Variants in VMP1 observed in about 807,000 individuals in gnomAD.
The protein encoded by VMP1 is vacuole membrane protein 1.
VMP1 carries 11 observed loss-of-function variants against 56.0 expected under a neutral mutation model. The ratio of observed to expected loss-of-function variants is 0.20; its 90% confidence interval spans 0.12 to 0.32. The LOEUF (loss-of-function observed/expected upper bound fraction) is 0.32, where lower values mean the gene tolerates loss of function less well. Ranked by LOEUF, VMP1 falls within the 10% of genes least tolerant of loss-of-function variation. VMP1 has a pLI of 1.00. For missense variants in VMP1, 296 were observed against 490.3 expected (o/e 0.60, Z 3.74); for synonymous variants, 149 against 165.0 (o/e 0.90, Z 0.74).
rs1392551155 is a variant in VMP1 at position 59,813,134 on chromosome 17, G to A, written c.912+1348G>A. ...TTGGCATTTGGGTCAAGTTTATTGC[G>A]TCTGTCCTCTATTTTCCTGCCATAA... On this transcript the variant is annotated intron_variant, in intron 9 of 11. Transcript: ENST00000262291. Among the ~76,000 whole-genome samples the A allele has an allele frequency of 5.9e-5, 9 of 152,018 alleles. No homozygotes were observed. In the East Asian group the frequency reaches 7.7e-4, roughly 13 times the overall value.
chr17:59,794,625 C>A (rs1346051862), intron 7 of VMP1, among the ~76,000 whole-genome samples: 1 of 136,150 alleles, frequency 7.3e-6, no homozygotes, highest in Non-Finnish European at 1.5e-5. Flanking sequence ...ATGCTGGTAA[C>A]TGGGCTGGAA....
chr17:59,809,011 T>G lies in VMP1; in HGVS notation c.795+135T>G, dbSNP rs144482159. On this transcript the variant is annotated intron_variant, in intron 8 of 11. Transcript: ENST00000262291. The stretch of plus-strand genomic sequence containing the variant: ...TTTTGTGAATCATTCACCTTTTTTT[T>G]TTTTTAAGACGGAGTCTCCCTCTTG... The G allele has an allele frequency of 5.4e-6, 4 of 738,792 alleles. No individual in the cohort carries two copies. In the African/African-American group the frequency reaches 7.2e-5, roughly 13 times the overall value. 45.8% of individuals were successfully genotyped at this position (738,792 alleles called of 1,614,324 possible).
intron 5 of VMP1, among the ~76,000 whole-genome samples, chr17:59,760,153 T>A (rs891838503): frequency 6.6e-6 from 1 of 151,186 alleles, no homozygotes; most frequent in East Asian, 1.9e-4. Flanking sequence ...AAATTAGTGG[T>A]TGTCCTAAGG....
At chr17:59,802,245 A>G (rs2037696955) in intron 7 of VMP1, among the ~76,000 whole-genome samples, 1 of 151,994 alleles carries the variant, frequency 6.6e-6, no homozygotes, top group Admixed American at 6.6e-5. Context: ...ATGTTTAGAT[A>G]CACATATACT....
chr17:59,748,215 A>C (rs927042891), intron 5 of VMP1, among the ~76,000 whole-genome samples: 1 of 151,866 alleles, frequency 6.6e-6, no homozygotes, highest in African/African-American at 2.4e-5. Flanking sequence ...AAAAAAAAAA[A>C]AACCTTTCCT....
intron 10 of VMP1, among the ~76,000 whole-genome samples, chr17:59,835,958 TC>T (rs2038967986): frequency 6.7e-6 from 1 of 150,122 alleles, no homozygotes; most frequent in African/African-American, 2.4e-5. Flanking sequence ...CTATTTGCAT[TC>T]CCACCTGTAA....
chr17:59,791,392 T>C (rs2037221941), intron 7 of VMP1, among the ~76,000 whole-genome samples: 1 of 151,966 alleles, frequency 6.6e-6, no homozygotes, highest in Admixed American at 6.6e-5. Context: ...GGTTTTAGTA[T>C]GTTGGCCAGG....
rs2039119793 is a variant in VMP1 at position 59,840,346 on chromosome 17, G to A, written c.*435G>A. The A allele has an allele frequency of 6.1e-6, 1 of 165,272 alleles. No individual in the cohort carries two copies. The highest frequency in any genetic ancestry group is 6.4e-5 in the Admixed American group (1 of 15,504). The allele number at this position is 165,272 out of a possible 1,614,324, so 10.2% of individuals were successfully genotyped here. On this transcript the variant is annotated 3_prime_UTR_variant, in exon 12 of 12. Transcript: ENST00000262291. ...TATAAATTATCTAGATTGGATAACA[G>A]TCTTGCATGTTTATCATGTTACAAT...
At position 59,715,986 on chromosome 17, in the gene VMP1, T is replaced by G. The variant is rs563055457; in HGVS notation, c.-27+8238T>G. On this transcript the variant is annotated intron_variant, in intron 1 of 11. Coordinates refer to ENST00000262291, the MANE Select transcript of VMP1 (RefSeq NM_030938.5). ...CTAACTACCTAGAAAATTTTTTATTTTTTTTTTGTACTAAAGGTTGACATA... is the reference window on the plus strand; with the variant it reads ...CTAACTACCTAGAAAATTTTTTATTGTTTTTTTGTACTAAAGGTTGACATA... Among the ~76,000 whole-genome samples the G allele has an allele frequency of 2.0e-5, 3 of 152,278 alleles. No homozygotes were observed. In the South Asian group the frequency reaches 6.2e-4, roughly 32 times the overall value.
At chr17:59,789,146 C>T (rs1456793893) in intron 7 of VMP1, among the ~76,000 whole-genome samples, 1 of 151,076 alleles carries the variant, frequency 6.6e-6, no homozygotes, top group African/African-American at 2.4e-5. Context: ...AAAAATTAGC[C>T]TGGCGTGGTG....
chr17:59,795,149 A>G (rs553560716), intron 7 of VMP1, among the ~76,000 whole-genome samples: 24 of 151,834 alleles, frequency 1.6e-4, no homozygotes, highest in Non-Finnish European at 3.2e-4. Flanking sequence ...CTAATTTCGT[A>G]TTTTTAGTAG....
intron 10 of VMP1, among the ~76,000 whole-genome samples, chr17:59,836,079 G>A (rs956708747): frequency 4.0e-5 from 6 of 151,092 alleles, no homozygotes; most frequent in East Asian, 3.9e-4. Context: ...GAGTTTTCTC[G>A]ATTGTTCACA....
chr17:59,758,683 T>C (rs1165201851), intron 5 of VMP1, among the ~76,000 whole-genome samples: 1 of 150,924 alleles, frequency 6.6e-6, no homozygotes, highest in African/African-American at 2.4e-5. Context: ...AAAAATTATC[T>C]GGGCCAGGTG....
At chr17:59,743,416 T>A (rs1288523241) in intron 5 of VMP1, among the ~76,000 whole-genome samples, 1 of 152,142 alleles carries the variant, frequency 6.6e-6, no homozygotes, top group Non-Finnish European at 1.5e-5. Context: ...TTTTTCCTTG[T>A]CTTTTTCTGG....
chr17:59,767,592 T>C (rs906066771), intron 6 of VMP1, among the ~76,000 whole-genome samples: 5 of 152,192 alleles, frequency 3.3e-5, no homozygotes, highest in African/African-American at 1.2e-4. Context: ...TTATTTACAT[T>C]GCTGGATTAA....
intron 5 of VMP1, among the ~76,000 whole-genome samples, chr17:59,760,101 C>A (rs1337027167): frequency 2.1e-5 from 3 of 140,674 alleles, no homozygotes; most frequent in Non-Finnish European, 3.0e-5. Flanking sequence ...CCAGCCTGGG[C>A]AACAGGGTAG....
chr17:59,824,448 C>T (rs1343823599), intron 10 of VMP1, among the ~76,000 whole-genome samples: 3 of 150,294 alleles, frequency 2.0e-5, no homozygotes, highest in Non-Finnish European at 4.4e-5. Context: ...GGGTGGGCGT[C>T]TATAATCCCA....
At chr17:59,835,760 G>T (rs1053125917) in intron 10 of VMP1, among the ~76,000 whole-genome samples, 6 of 150,676 alleles carry the variant, frequency 4.0e-5, no homozygotes, top group Non-Finnish European at 8.9e-5. Context: ...AAAGTGCTGG[G>T]ATTACAGGCA....
At chr17:59,759,018 T>C (rs2035947420) in intron 5 of VMP1, among the ~76,000 whole-genome samples, 2 of 152,050 alleles carry the variant, frequency 1.3e-5, no homozygotes, top group Admixed American at 1.3e-4. Context: ...CTCTAGAGGT[T>C]GAGGCTGCAG....
Sources: gnomAD v4.1 joint callset for allele counts (sites outside exome capture counted in the v4.1 genomes callset) on GRCh38, gnomAD v4.1.1 for gene constraint, MANE v1.5 for transcripts, NCBI Gene and HGNC (gene_info 2026-07-23, HGNC 2026-07-21) for gene names.